Variants in STK39 observed in about 807,000 individuals in gnomAD.
The protein encoded by STK39 is serine/threonine kinase 39, also known as STE20/SPS1-related proline-alanine-rich protein kinase.
Under a neutral mutation model 77.8 loss-of-function variants are expected in STK39, and 20 were observed. The observed-to-expected ratio is 0.26, with a 90% CI of 0.18 to 0.37. The LOEUF is 0.37. Ranked by LOEUF, STK39 falls within the 10% of genes least tolerant of loss-of-function variation. The pLI, the probability that STK39 is intolerant of heterozygous loss-of-function variation, is 1.00. For missense variants in STK39, 479 were observed against 656.5 expected, an observed-to-expected ratio of 0.73 and a Z score of 2.95; for synonymous variants, 246 against 234.1, an observed-to-expected ratio of 1.05 and a Z score of -0.47.
intron 5 of STK39, among the ~76,000 whole-genome samples, chr2:168,142,727 T>C (rs1335432558): frequency 1.3e-5 from 2 of 152,196 alleles, no homozygotes; most frequent in Non-Finnish European, 2.9e-5. Context: ...CACTTTAAAG[T>C]CATAAACAGA....
At position 168,025,842 on chromosome 2, in the gene STK39, G is replaced by A. The variant is rs149504501; in HGVS notation, c.1377-8747C>T. Among the ~76,000 whole-genome samples, 1,129 of 152,274 alleles carry A rather than the reference G, an allele frequency of 7.4e-3. 20 individuals are homozygous for A. Among genetic ancestry groups the A allele is most frequent in the African/African-American group, 0.026 (1,082 of 41,562 alleles). ...CTGAAGCAGTATCCCTGCTCATCCC[G>A]GGGCCTTCCTATGGCAGTGTCTTCA... On this transcript the variant is annotated intron_variant, in intron 14 of 17. Transcript: ENST00000355999.
chr2:168,101,869 C>A (rs967532005), intron 10 of STK39, among the ~76,000 whole-genome samples: 2 of 152,128 alleles, frequency 1.3e-5, no homozygotes, highest in African/African-American at 4.8e-5. Flanking sequence ...GCAACCATCA[C>A]CACAATCAAT....
intron 10 of STK39, among the ~76,000 whole-genome samples, chr2:168,109,319 T>C (rs1687061826): frequency 6.6e-6 from 1 of 152,210 alleles, no homozygotes; most frequent in African/African-American, 2.4e-5. Context: ...CTTAGTGTTA[T>C]TTTTTAGCTT....
intron 1 of STK39, among the ~76,000 whole-genome samples, chr2:168,183,296 G>A (rs1342913632): frequency 6.6e-6 from 1 of 152,018 alleles, no homozygotes; most frequent in East Asian, 1.9e-4. Context: ...CCATTCCAGG[G>A]AAGCCCAATT....
At chr2:168,149,098 C>T (rs1170210650) in intron 5 of STK39, among the ~76,000 whole-genome samples, 1 of 152,192 alleles carries the variant, frequency 6.6e-6, no homozygotes, top group Non-Finnish European at 1.5e-5. Flanking sequence ...GGGAGATTCA[C>T]CTTATTGATA....
Position 168,167,348 on chromosome 2 carries a change from A to G in STK39, c.381T>C (p.Ser127=), listed in dbSNP as rs1379427565. ...GCCAAAGTTCATCTTTGACCACAAAAGAGGTGTAATAGGTCACTACGTTGG... is the reference window on the plus strand; with the variant it reads ...GCCAAAGTTCATCTTTGACCACAAAGGAGGTGTAATAGGTCACTACGTTGG... The part of the protein sequence containing the change: ...SHPNVVTYYT[S]FVVKDELWLV... Residue 127 remains serine (S), a synonymous_variant, in exon 3 of 18, where the codon TCT becomes TCC. Transcript: ENST00000355999. 6.2e-7 allele frequency: 1 copy of G among 1,613,834 alleles called. No homozygotes were observed. Among genetic ancestry groups the G allele is most frequent in the South Asian group, 1.1e-5 (1 of 91,064 alleles).
chr2:168,096,140 C>T (rs566249230), intron 10 of STK39, among the ~76,000 whole-genome samples: 3 of 152,150 alleles, frequency 2.0e-5, no homozygotes, highest in East Asian at 3.9e-4. Context: ...AATCTAACTG[C>T]ATTACCTATT....
intron 10 of STK39, among the ~76,000 whole-genome samples, chr2:168,123,211 C>T (rs1687453428): frequency 6.6e-6 from 1 of 152,170 alleles, no homozygotes; most frequent in Admixed American, 6.5e-5. Flanking sequence ...GGAAAAGAAA[C>T]ACTGTTCTAG....
chr2:168,187,538 G>A (rs1689238948), intron 1 of STK39, among the ~76,000 whole-genome samples: 1 of 152,146 alleles, frequency 6.6e-6, no homozygotes. Flanking sequence ...AGGATTAAAT[G>A]AGTTAACACA....
chr2:168,156,558 C>T (rs1486913374), intron 5 of STK39, among the ~76,000 whole-genome samples: 1 of 152,210 alleles, frequency 6.6e-6, no homozygotes, highest in Non-Finnish European at 1.5e-5. Context: ...GAGCTTACCA[C>T]ACCCTAAGTA....
intron 14 of STK39, among the ~76,000 whole-genome samples, chr2:168,033,796 G>GT (rs1312816287): frequency 2.0e-5 from 3 of 152,124 alleles, no homozygotes; most frequent in African/African-American, 7.2e-5. Context: ...AATACGGATT[G>GT]TAACACTGAC....
In STK39 at chr2:168,209,564, T is replaced by A. The variant is rs1056836046; in HGVS notation, c.209-27474A>T. ...GGTGGCACATGCCCGTAATCCCAGC[T>A]ACTTACTCGGTTGGCTGGGGCAGAA... On this transcript the variant is annotated intron_variant, in intron 1 of 17. Transcript: ENST00000355999. Among the ~76,000 whole-genome samples the A allele has an allele frequency of 5.3e-5, 8 of 152,122 alleles. No individual in the cohort carries two copies. In the South Asian group the frequency reaches 1.7e-3, roughly 32 times the overall value.
intron 14 of STK39, among the ~76,000 whole-genome samples, chr2:168,034,630 C>T (rs545252572): frequency 5.9e-5 from 9 of 152,174 alleles, no homozygotes; most frequent in Non-Finnish European, 1.3e-4. Context: ...CTAAGGGATA[C>T]CTGAAGGACC....
At chr2:168,231,759 C>T (rs1690461227) in intron 1 of STK39, among the ~76,000 whole-genome samples, 1 of 152,080 alleles carries the variant, frequency 6.6e-6, no homozygotes, top group Non-Finnish European at 1.5e-5. Flanking sequence ...ATCCCTACCA[C>T]GTGTCTGGGT....
At chr2:168,207,489 C>T (rs1689771882) in intron 1 of STK39, among the ~76,000 whole-genome samples, 1 of 152,158 alleles carries the variant, frequency 6.6e-6, no homozygotes, top group Admixed American at 6.5e-5. Flanking sequence ...GCAGAAGATA[C>T]AGCAATGAAG....
At chr2:168,167,990 C>A (rs1235592566) in intron 2 of STK39, among the ~76,000 whole-genome samples, 1 of 152,092 alleles carries the variant, frequency 6.6e-6, no homozygotes, top group East Asian at 1.9e-4. Flanking sequence ...GGGAAGAGAG[C>A]GGCAGGCGAA....
At chr2:168,199,905 C>T (rs1382009810) in intron 1 of STK39, among the ~76,000 whole-genome samples, 2 of 152,180 alleles carry the variant, frequency 1.3e-5, no homozygotes, top group African/African-American at 4.8e-5. Flanking sequence ...ATTCTTTGGA[C>T]AACAGGTCTT....
chr2:168,232,847 G>A (rs1043077435), intron 1 of STK39, among the ~76,000 whole-genome samples: 1 of 152,054 alleles, frequency 6.6e-6, no homozygotes. Context: ...AGGAGGCGGA[G>A]GTTGCAGCGA....
intron 14 of STK39, among the ~76,000 whole-genome samples, chr2:168,056,115 A>G (rs1685518425): frequency 6.6e-6 from 1 of 152,232 alleles, no homozygotes; most frequent in Admixed American, 6.5e-5. Flanking sequence ...GTTCTCTGAT[A>G]TTGCATATAA....
Sources: allele counts gnomAD v4.1 joint callset (sites outside exome capture counted in the v4.1 genomes callset), GRCh38; gene constraint gnomAD v4.1.1; transcripts MANE v1.5; gene names NCBI Gene and HGNC (gene_info 2026-07-23, HGNC 2026-07-21).